The following VWA3B variants were observed in gnomAD, a reference collection of about 807,000 sequenced individuals.
VWA3B encodes von Willebrand factor A domain-containing protein 3B.
Under a neutral mutation model 158.3 loss-of-function variants are expected in VWA3B, and 138 were observed. The ratio of observed to expected loss-of-function variants is 0.87; its 90% CI spans 0.76 to 1.00. The LOEUF (loss-of-function observed/expected upper bound fraction) is 1.00, where lower values mean the gene tolerates loss of function less well. Ranked by LOEUF, VWA3B falls within the 50% of genes least tolerant of loss-of-function variation. The probability of loss-of-function intolerance (pLI) is 0.00; values close to 1 mark genes in which losing one functional copy is unlikely to be tolerated. For synonymous variants in VWA3B, 596 were observed against 587.3 expected (o/e 1.01, Z -0.21); for missense variants, 1,555 against 1,565.1 (o/e 0.99, Z 0.11).
chr2:98,194,314 C>CT (rs1471677038), intron 11 of VWA3B, 47 bp from the exon 12 acceptor site: 1 of 1,593,208 alleles, frequency 6.3e-7, no homozygotes, highest in East Asian at 2.3e-5. Flanking sequence ...CAAACCCTTT[C>CT]TAACATCTGA....
At chr2:98,091,852 A>G (rs1682315851) in intron 1 of VWA3B, among the ~76,000 whole-genome samples, 1 of 152,240 alleles carries the variant, frequency 6.6e-6, no homozygotes, top group Admixed American at 6.5e-5. Flanking sequence ...AATTCTGGAT[A>G]CAGAAGTAAG....
chr2:98,179,800 TTC>T lies in VWA3B; in HGVS notation c.1115-1214_1115-1213del, dbSNP rs369879906. Among the ~76,000 whole-genome samples the T allele has an allele frequency of 8.6e-3, 846 of 98,378 alleles. 5 individuals are homozygous for T. Among genetic ancestry groups the T allele is most frequent in the East Asian group, 0.036 (84 of 2,352 alleles). The allele number at this position is 98,378 out of a possible 152,430, so 64.5% of individuals were successfully genotyped here. The stretch of plus-strand genomic sequence containing the variant: ...CTTTCTCTTTCTTTTCTTTCTTTCT[TTC>T]TTTCTTTCTTTCTTTCTTTCTTTCT... On this transcript the variant is annotated intron_variant, in intron 8 of 27. Coordinates refer to ENST00000477737, the MANE Select transcript of VWA3B (RefSeq NM_144992.5).
intron 22 of VWA3B, among the ~76,000 whole-genome samples, chr2:98,276,818 G>A (rs1688555515): frequency 5.3e-5 from 8 of 152,340 alleles, no homozygotes; most frequent in Admixed American, 1.3e-4. Context: ...TCCAGGGTGC[G>A]TTATGGAGTC....
intron 12 of VWA3B, among the ~76,000 whole-genome samples, chr2:98,201,625 G>GTT (rs200699328): frequency 1.3e-5 from 2 of 151,670 alleles, no homozygotes; most frequent in Non-Finnish European, 2.9e-5. Context: ...GAGGTTTTTT[G>GTT]TTTTTTTTGT....
chr2:98,320,629 G>A, the VWA3B span, among the ~76,000 whole-genome samples: 1 of 152,208 alleles, frequency 6.6e-6, no homozygotes. Flanking sequence ...CTGTAGTAAA[G>A]GTTGCCTTTG....
At chr2:98,187,801 G>A (rs1353144652) in intron 9 of VWA3B, among the ~76,000 whole-genome samples, 174 bp from the exon 10 acceptor site, 1 of 151,984 alleles carries the variant, frequency 6.6e-6, no homozygotes, top group African/African-American at 2.4e-5. Flanking sequence ...ATCTAGTGCA[G>A]GGCTCCATAG....
intron 20 of VWA3B, among the ~76,000 whole-genome samples, chr2:98,255,182 A>ATTTTTTTTTT (rs769708577): frequency 3.8e-5 from 2 of 52,164 alleles, no homozygotes; most frequent in African/African-American, 1.4e-4. Flanking sequence ...CCCGGCTGAT[A>ATTTTTTTTTT]TTTTTTTTTT....
the VWA3B span, among the ~76,000 whole-genome samples, chr2:98,323,080 G>C: frequency 6.6e-6 from 1 of 152,096 alleles, no homozygotes; most frequent in Non-Finnish European, 1.5e-5. Flanking sequence ...AATTTAGTAG[G>C]CATGCAAAGA....
intron 1 of VWA3B, among the ~76,000 whole-genome samples, chr2:98,088,367 TGA>T (rs1437057087): frequency 6.6e-6 from 1 of 152,172 alleles, no homozygotes; most frequent in Non-Finnish European, 1.5e-5. Flanking sequence ...ACCTTTTCTC[TGA>T]GGGCATGCTG....
chr2:98,233,496 G>A (rs1352285206), intron 16 of VWA3B, among the ~76,000 whole-genome samples: 1 of 152,198 alleles, frequency 6.6e-6, no homozygotes, highest in African/African-American at 2.4e-5. Flanking sequence ...TGTGGACACT[G>A]GCAGGAGCTC....
intron 26 of VWA3B, among the ~76,000 whole-genome samples, chr2:98,305,487 TTGTC>T (rs1232521350): frequency 2.0e-5 from 3 of 152,282 alleles, no homozygotes; most frequent in African/African-American, 7.2e-5. Context: ...GGGACGGTCA[TTGTC>T]TGGCAGGTGT....
chr2:98,143,747 CTTTTCTTTTT>C (rs1228499275), intron 7 of VWA3B, among the ~76,000 whole-genome samples: 1 of 140,316 alleles, frequency 7.1e-6, no homozygotes, highest in African/African-American at 2.5e-5. Context: ...CTTTTCTTTT[CTTTTCTTTTT>C]TTTTTTTTTT....
intron 7 of VWA3B, among the ~76,000 whole-genome samples, chr2:98,156,891 T>A (rs1180792933): frequency 1.3e-5 from 2 of 152,192 alleles, no homozygotes; most frequent in Non-Finnish European, 2.9e-5. Context: ...TATGGTCTAC[T>A]AGCCCCATAG....
At chr2:98,236,863 C>A in intron 19 of VWA3B, 133 bp downstream of exon 19, 1 of 1,287,028 alleles carries the variant, frequency 7.8e-7, no homozygotes, top group Non-Finnish European at 1.1e-6. Flanking sequence ...TTTGTAAAGG[C>A]AGTAAAAGGG....
chr2:98,248,863 C>CTTTCTTTCT (rs1553427599), intron 19 of VWA3B, among the ~76,000 whole-genome samples: 11 of 49,096 alleles, frequency 2.2e-4, no homozygotes, highest in African/African-American at 1.3e-3. Flanking sequence ...TTCTTTCTTT[C>CTTTCTTTCT]TTTCTTTCTT....
At chr2:98,207,456 A>G (rs775057273) in intron 12 of VWA3B, 7 of 493,870 alleles carry the variant, frequency 1.4e-5, no homozygotes, top group Non-Finnish European at 2.8e-5. Context: ...CGTTATTGTC[A>G]TAATCCATAT....
At chr2:98,094,963 A>G (rs1057481916) in intron 2 of VWA3B, among the ~76,000 whole-genome samples, 1 of 152,106 alleles carries the variant, frequency 6.6e-6, no homozygotes, top group Non-Finnish European at 1.5e-5. Flanking sequence ...TTGGCTCTCT[A>G]TTCTATTCCA....
At chr2:98,094,561 A>C (rs1455787934) in intron 2 of VWA3B, among the ~76,000 whole-genome samples, 1 of 151,614 alleles carries the variant, frequency 6.6e-6, no homozygotes, top group African/African-American at 2.4e-5. Flanking sequence ...ATTTTCCCCT[A>C]TTTCTGTAGG....
At chr2:98,221,499 G>T (rs776050037) in intron 14 of VWA3B, among the ~76,000 whole-genome samples, 4 of 152,160 alleles carry the variant, frequency 2.6e-5, no homozygotes, top group Non-Finnish European at 5.9e-5. Context: ...GCAAGTGACT[G>T]TGCTCTGATC....
Sources: allele counts gnomAD v4.1 joint callset (sites outside exome capture counted in the v4.1 genomes callset), GRCh38; gene constraint gnomAD v4.1.1; transcripts MANE v1.5; gene names NCBI Gene and HGNC (gene_info 2026-07-23, HGNC 2026-07-21).